The following PRKCQ variants were observed in gnomAD, a reference collection of about 807,000 sequenced individuals.
PRKCQ encodes the protein protein kinase C theta.
PRKCQ carries 41 observed loss-of-function variants against 91.2 expected under a neutral mutation model. The observed-to-expected ratio is 0.45, with a 90% CI of 0.35 to 0.58. PRKCQ has a LOEUF of 0.58. PRKCQ is among the 20% of genes least tolerant of loss of function. PRKCQ has a pLI of 0.00. For missense variants in PRKCQ, 673 were observed against 896.5 expected, an observed-to-expected ratio of 0.75 and a Z score of 3.18; for synonymous variants, 307 against 316.9, an observed-to-expected ratio of 0.97 and a Z score of 0.33.
intron 1 of PRKCQ, among the ~76,000 whole-genome samples, chr10:6,545,274 A>G (rs9645607): frequency 0.92 from 139,381 of 152,316 alleles, 64,289 homozygotes; most frequent in East Asian, 1. Context: ...AAAGCACTGC[A>G]CTGGGCGCTG....
chr10:6,479,797 C>A (rs640985), intron 11 of PRKCQ, among the ~76,000 whole-genome samples: 117,101 of 121,452 alleles, frequency 0.96, 56,551 homozygotes, highest in South Asian at 0.97. Flanking sequence ...AAAAAAAAAT[C>A]CAAAAATTAG....
At chr10:6,421,921 C>T in the PRKCQ span, among the ~76,000 whole-genome samples, 57 of 152,264 alleles carry the variant, frequency 3.7e-4, no homozygotes, top group Non-Finnish European at 4.3e-4. The surrounding 1 kb of genome is among the most constrained non-coding windows in gnomAD (Gnocchi z 4.1). Context: ...GTTTTAGCCT[C>T]GTAATGTCAT....
Position 6,520,969 on chromosome 10 carries a change from G to A in PRKCQ, c.-9-5825C>T, listed in dbSNP as rs143224343. On this transcript the variant is annotated intron_variant, in intron 1 of 17. Transcript: ENST00000263125. The stretch of plus-strand genomic sequence containing the variant: ...TCAGCAAAAACTCCTCAGAACGAGT[G>A]CATTTGGGTGCCTTACTTCCCTCAT... Among the ~76,000 whole-genome samples the A allele has an allele frequency of 8.7e-4, 133 of 152,312 alleles. 4 individuals carry two copies. Among genetic ancestry groups the A allele is most frequent in the Admixed American group, 6.2e-3 (95 of 15,302 alleles).
intron 1 of PRKCQ, among the ~76,000 whole-genome samples, chr10:6,522,921 T>G (rs11259372): frequency 0.054 from 8,189 of 152,308 alleles, 409 homozygotes; most frequent in Admixed American, 0.12. Context: ...CACCAATAGC[T>G]TTTGCATTTC....
At chr10:6,460,785 C>A (rs1020027614) in intron 14 of PRKCQ, among the ~76,000 whole-genome samples, 6 of 138,868 alleles carry the variant, frequency 4.3e-5, no homozygotes, top group African/African-American at 1.5e-4. Flanking sequence ...AGCCACTGTG[C>A]CCAGCCCCTT....
chr10:6,479,869 T>C (rs1836498284), intron 11 of PRKCQ, among the ~76,000 whole-genome samples: 1 of 151,708 alleles, frequency 6.6e-6, no homozygotes, highest in African/African-American at 2.4e-5. Context: ...GGGGAATTGC[T>C]TGAACCTGGG....
At chr10:6,498,320 TG>T (rs1201276210) in intron 5 of PRKCQ, 75 bp downstream of exon 5, 2 of 1,538,184 alleles carry the variant, frequency 1.3e-6, no homozygotes, top group Non-Finnish European at 1.8e-6. Context: ...CAGTGGAGCA[TG>T]CCAGCGTAGA....
intron 1 of PRKCQ, among the ~76,000 whole-genome samples, chr10:6,535,552 G>A (rs1839551333): frequency 6.6e-6 from 1 of 151,974 alleles, no homozygotes; most frequent in Non-Finnish European, 1.5e-5. Context: ...CAAACCCCAA[G>A]TAAAAAGACC....
At chr10:6,525,579 T>C (rs1367085125) in intron 1 of PRKCQ, among the ~76,000 whole-genome samples, 1 of 152,258 alleles carries the variant, frequency 6.6e-6, no homozygotes, top group Non-Finnish European at 1.5e-5. Flanking sequence ...TTACAACTAA[T>C]TCTGATTTCT....
intron 1 of PRKCQ, among the ~76,000 whole-genome samples, chr10:6,531,141 G>A: frequency 6.6e-6 from 1 of 152,130 alleles, no homozygotes. Flanking sequence ...GCCCCACCCA[G>A]AGCTGCTGGG....
At chr10:6,442,164 C>T in intron 15 of PRKCQ, 83 bp from the exon 16 acceptor site, 1 of 1,353,318 alleles carries the variant, frequency 7.4e-7, no homozygotes, top group Non-Finnish European at 1.0e-6. Context: ...CAAGGCCACT[C>T]AGTAAATGGT....
At chr10:6,429,626 G>C (rs1340739549) in intron 17 of PRKCQ, among the ~76,000 whole-genome samples, 1 of 152,172 alleles carries the variant, frequency 6.6e-6, no homozygotes, top group Non-Finnish European at 1.5e-5. Context: ...AATGGTTAAG[G>C]CTGGCAAACC....
At chr10:6,496,216 C>CAA (rs199934718) in intron 7 of PRKCQ, among the ~76,000 whole-genome samples, 28 of 94,140 alleles carry the variant, frequency 3.0e-4, no homozygotes, top group African/African-American at 3.3e-4. Flanking sequence ...GATTCCATCT[C>CAA]AAAAAAAAAA....
chr10:6,457,011 C>T (rs1450500937), intron 14 of PRKCQ, among the ~76,000 whole-genome samples, 199 bp from the exon 15 acceptor site: 1 of 152,150 alleles, frequency 6.6e-6, no homozygotes, highest in Non-Finnish European at 1.5e-5. Flanking sequence ...GCTATGGATT[C>T]TTTCTCTGAT....
rs1186780044 is a variant in PRKCQ at position 6,462,369 on chromosome 10, G to A, written c.1446-4C>T. 1 of 1,613,522 alleles carries A rather than the reference G, an allele frequency of 6.2e-7. No homozygotes were observed. The highest frequency in any genetic ancestry group is 1.7e-5 in the Admixed American group (1 of 59,954). On this transcript the variant is annotated splice_polypyrimidine_tract_variant and splice_region_variant and intron_variant, in intron 13 of 17. Transcript: ENST00000263125. The stretch of plus-strand genomic sequence containing the variant: ...AATGATTTCAGCAGCATAAAACCTG[G>A]GGGAAGGAGAACCAAGGTTCAACAT...
At chr10:6,556,742 C>T (rs1461616442) in intron 1 of PRKCQ, among the ~76,000 whole-genome samples, 1 of 152,084 alleles carries the variant, frequency 6.6e-6, no homozygotes, top group Non-Finnish European at 1.5e-5. Context: ...TGCCAACAAT[C>T]TTGGCTTTAT....
At chr10:6,495,883 C>T (rs1418832473) in intron 7 of PRKCQ, among the ~76,000 whole-genome samples, 1 of 152,018 alleles carries the variant, frequency 6.6e-6, no homozygotes, top group Non-Finnish European at 1.5e-5. Flanking sequence ...TCACTAGAAG[C>T]CCAGACTTCC....
intron 4 of PRKCQ, among the ~76,000 whole-genome samples, chr10:6,499,226 G>A (rs1453281111): frequency 6.6e-6 from 1 of 152,100 alleles, no homozygotes; most frequent in Non-Finnish European, 1.5e-5. Flanking sequence ...TTGGTGTCTA[G>A]GTAATCCTGT....
chr10:6,575,869 A>G (rs1485047945), intron 1 of PRKCQ, among the ~76,000 whole-genome samples: 1 of 152,140 alleles, frequency 6.6e-6, no homozygotes, highest in Non-Finnish European at 1.5e-5. Context: ...GTGAAACCCC[A>G]TCTCTACTAA....
Sources: allele counts gnomAD v4.1 joint callset (sites outside exome capture counted in the v4.1 genomes callset), GRCh38; gene constraint gnomAD v4.1.1; non-coding constraint Gnocchi (gnomAD v3.1); transcripts MANE v1.5; gene names NCBI Gene and HGNC (gene_info 2026-07-23, HGNC 2026-07-21).